The following TMEM131L variants were observed in gnomAD, a reference collection of about 807,000 sequenced individuals.
TMEM131L encodes the protein transmembrane 131 like.
Under a neutral mutation model 192.2 loss-of-function variants are expected in TMEM131L, and 54 were observed. The ratio of observed to expected loss-of-function variants is 0.28; its 90% CI spans 0.23 to 0.35. TMEM131L has a LOEUF of 0.35. Among genes scored for constraint, TMEM131L ranks in the 10% least tolerant of loss-of-function variants. TMEM131L has a pLI of 1.00. For synonymous variants in TMEM131L, 701 were observed against 704.9 expected (o/e 0.99, Z 0.09); for missense variants, 1,888 against 1,972.9 (o/e 0.96, Z 0.82).
chr4:153,468,701 C>T (rs1730947270), intron 2 of TMEM131L, among the ~76,000 whole-genome samples: 1 of 152,174 alleles, frequency 6.6e-6, no homozygotes, highest in Non-Finnish European at 1.5e-5. Flanking sequence ...TCCCTTGCCT[C>T]TACCCACTAG....
chr4:153,595,675 TA>T (rs1391327251), intron 19 of TMEM131L, among the ~76,000 whole-genome samples: 9 of 141,738 alleles, frequency 6.3e-5, no homozygotes, highest in Non-Finnish European at 1.1e-4. Context: ...TAAAAAGAAT[TA>T]AACCTTGGAT....
At chr4:153,520,879 G>C (rs909105783) in intron 3 of TMEM131L, among the ~76,000 whole-genome samples, 1 of 152,168 alleles carries the variant, frequency 6.6e-6, no homozygotes, top group African/African-American at 2.4e-5. Context: ...CTTTCCCAGG[G>C]GTAATTGTAG....
At chr4:153,551,768 T>C (rs1308317122) in intron 4 of TMEM131L, among the ~76,000 whole-genome samples, 1 of 152,236 alleles carries the variant, frequency 6.6e-6, no homozygotes, top group South Asian at 2.1e-4. Flanking sequence ...TGTCTGTTTT[T>C]TTGAGTTTTT....
At chr4:153,628,800 C>T (rs1439734606) in intron 31 of TMEM131L, among the ~76,000 whole-genome samples, 1 of 152,168 alleles carries the variant, frequency 6.6e-6, no homozygotes, top group Non-Finnish European at 1.5e-5. Flanking sequence ...TCAGCATGTG[C>T]CGTTCTGCTT....
intron 7 of TMEM131L, among the ~76,000 whole-genome samples, chr4:153,563,207 A>G (rs1366163220): frequency 1.3e-5 from 2 of 152,206 alleles, no homozygotes; most frequent in Admixed American, 6.5e-5. Context: ...CTGATCAGAG[A>G]AGGAAAAACA....
At chr4:153,495,412 G>A (rs1310295728) in intron 3 of TMEM131L, among the ~76,000 whole-genome samples, 16 of 152,082 alleles carry the variant, frequency 1.1e-4, no homozygotes, top group African/African-American at 3.4e-4. Context: ...CAGGGTGGTC[G>A]GGATACAGCT....
intron 3 of TMEM131L, among the ~76,000 whole-genome samples, chr4:153,546,038 G>A (rs1394169691): frequency 6.6e-6 from 1 of 151,886 alleles, no homozygotes; most frequent in African/African-American, 2.4e-5. Context: ...GTGTGCCACT[G>A]AGCTCGGATA....
At chr4:153,503,781 G>T (rs988685832) in intron 3 of TMEM131L, among the ~76,000 whole-genome samples, 3 of 152,100 alleles carry the variant, frequency 2.0e-5, no homozygotes, top group African/African-American at 7.2e-5. Flanking sequence ...GGTTATAAAA[G>T]TACTCTAAAA....
At chr4:153,620,901 C>T (rs762879386) in intron 27 of TMEM131L, 21 bp downstream of exon 27, 7 of 1,557,734 alleles carry the variant, frequency 4.5e-6, no homozygotes, top group Admixed American at 4.4e-5. Flanking sequence ...CTTACTATCT[C>T]TAATATTTTG....
At chr4:153,622,329 G>A (rs761646347) in intron 28 of TMEM131L, among the ~76,000 whole-genome samples, 1 of 152,120 alleles carries the variant, frequency 6.6e-6, no homozygotes. Context: ...CAGTACATGT[G>A]GGGTATGGGG....
At chr4:153,515,587 ATATC>A (rs1734673964) in intron 3 of TMEM131L, among the ~76,000 whole-genome samples, 1 of 152,208 alleles carries the variant, frequency 6.6e-6, no homozygotes, top group African/African-American at 2.4e-5. Context: ...TATTGGTTAT[ATATC>A]TACGAGTGGT....
chr4:153,628,571 A>G (rs1406010372), intron 31 of TMEM131L, among the ~76,000 whole-genome samples: 3 of 152,334 alleles, frequency 2.0e-5, no homozygotes, highest in African/African-American at 7.2e-5. Flanking sequence ...CGTTCCTTGG[A>G]TGAATTTTGG....
chr4:153,539,289 G>A (rs1736584363), intron 3 of TMEM131L, among the ~76,000 whole-genome samples: 1 of 152,150 alleles, frequency 6.6e-6, no homozygotes, highest in African/African-American at 2.4e-5. Flanking sequence ...GCCAGTGTTT[G>A]TTGGGTTTCA....
Position 153,620,864 on chromosome 4 carries a change from G to C in TMEM131L, c.3676G>C (p.Val1226Leu). The C allele has an allele frequency of 6.3e-7, 1 of 1,595,242 alleles. No individual in the cohort carries two copies. Among genetic ancestry groups the C allele is most frequent in the Non-Finnish European group, 8.5e-7 (1 of 1,173,956 alleles). Residue 1226 changes from valine (V) to leucine (L), a missense_variant, in exon 27 of 35, where the codon GTT becomes CTT. Val to Leu is a conservative substitution (Grantham distance 32, BLOSUM62 1). Transcript: ENST00000409959. ...RTCRKNKKRG[V>L]APVSRPPEQS... ...ATGTAGAAAGAACAAGAAAAGGGGT[G>C]TTGCTCCAGTCTCAAGGTGCGTAAT...
chr4:153,604,021 G>A lies in TMEM131L; in HGVS notation c.3009G>A (p.Glu1003=). 1 of 1,614,150 alleles carries A rather than the reference G, an allele frequency of 6.2e-7. No individual in the cohort carries two copies. Among genetic ancestry groups the A allele is most frequent in the South Asian group, 1.1e-5 (1 of 91,082 alleles). The change falls in exon 25 of 35, where the codon GAG becomes GAA. Residue 1003 remains glutamate (E), a synonymous_variant. Coordinates refer to ENST00000409959, the MANE Select transcript of TMEM131L (RefSeq NM_001131007.2). ...CCAGCAGCACCAGCACGACTACTGA[G>A]GAAAAACAGACTTCACCCCTGGGCA... The part of the protein sequence containing the change: ...AAASSTSTTT[E]EKQTSPLGSS...
At chr4:153,594,150 T>G (rs750966246) in intron 19 of TMEM131L, among the ~76,000 whole-genome samples, 1 of 152,178 alleles carries the variant, frequency 6.6e-6, no homozygotes, top group African/African-American at 2.4e-5. Flanking sequence ...ACCATGAAAC[T>G]TGAGACCCCA....
At chr4:153,601,953 C>G (rs891730220) in intron 21 of TMEM131L, 199 bp from the exon 22 acceptor site, 5 of 373,628 alleles carry the variant, frequency 1.3e-5, no homozygotes, top group Non-Finnish European at 2.3e-5. Flanking sequence ...TTAAGTATCT[C>G]TGTTATATCC....
chr4:153,604,673 G>C (rs531481435), intron 25 of TMEM131L, among the ~76,000 whole-genome samples: 1 of 152,230 alleles, frequency 6.6e-6, no homozygotes, highest in African/African-American at 2.4e-5. Flanking sequence ...ATATTTTCTT[G>C]TTGGGATGGA....
At chr4:153,582,329 C>A (rs992890012) in intron 9 of TMEM131L, among the ~76,000 whole-genome samples, 41 of 151,604 alleles carry the variant, frequency 2.7e-4, no homozygotes, top group Middle Eastern at 6.9e-3. Flanking sequence ...ACTGCAACCT[C>A]AGCCTCCTGG....
Sources: allele counts gnomAD v4.1 joint callset (sites outside exome capture counted in the v4.1 genomes callset), GRCh38; gene constraint gnomAD v4.1.1; transcripts MANE v1.5; gene names NCBI Gene and HGNC (gene_info 2026-07-23, HGNC 2026-07-21).